The following WLS variants were observed in gnomAD, a reference collection of about 807,000 sequenced individuals.
WLS encodes the protein protein wntless homolog.
WLS carries 23 observed loss-of-function variants against 62.8 expected under a neutral mutation model. The ratio of observed to expected loss-of-function variants is 0.37; its 90% CI spans 0.26 to 0.52. WLS has a LOEUF of 0.52. Among genes scored for constraint, WLS ranks in the 20% least tolerant of loss-of-function variants. WLS has a pLI of 0.92. For missense variants in WLS, 615 were observed against 697.3 expected, an observed-to-expected ratio of 0.88 and a Z score of 1.33; for synonymous variants, 246 against 244.1, an observed-to-expected ratio of 1.01 and a Z score of -0.07.
intron 11 of WLS, chr1:68,099,631 T>G (rs1252933820): frequency 6.6e-6 from 1 of 152,234 alleles, no homozygotes; most frequent in Non-Finnish European, 1.5e-5. Flanking sequence ...ATCTTTAGAT[T>G]ACCTATAATA....
chr1:68,215,856 G>T (rs927739233), intron 1 of WLS, among the ~76,000 whole-genome samples: 1 of 152,184 alleles, frequency 6.6e-6, no homozygotes, highest in Admixed American at 6.5e-5. Flanking sequence ...ACTAAACCCA[G>T]TAAATTAGTT....
At chr1:68,143,183 C>G (rs1646708651) in intron 10 of WLS, among the ~76,000 whole-genome samples, 1 of 152,072 alleles carries the variant, frequency 6.6e-6, no homozygotes, top group African/African-American at 2.4e-5. Context: ...GGTCCATATA[C>G]AAAAATGGTT....
intron 11 of WLS, among the ~76,000 whole-genome samples, chr1:68,127,876 C>T (rs1646458709): frequency 1.3e-5 from 2 of 152,174 alleles, no homozygotes; most frequent in Non-Finnish European, 2.9e-5. Context: ...GTCACTCCCA[C>T]CCACTGGCCC....
chr1:68,154,541 G>A (rs151322693), intron 4 of WLS, among the ~76,000 whole-genome samples: 1,895 of 152,154 alleles, frequency 0.012, 25 homozygotes, highest in Non-Finnish European at 0.021. Context: ...GAATTACTAC[G>A]TATAAAAAAA....
At chr1:68,194,953 T>G (rs1404540722) in intron 1 of WLS, among the ~76,000 whole-genome samples, 1 of 152,202 alleles carries the variant, frequency 6.6e-6, no homozygotes, top group Non-Finnish European at 1.5e-5. Context: ...GATTATAATA[T>G]TAATAACTTG....
chr1:68,178,583 G>A (rs1246779597), intron 2 of WLS, among the ~76,000 whole-genome samples: 1 of 152,046 alleles, frequency 6.6e-6, no homozygotes, highest in African/African-American at 2.4e-5. Flanking sequence ...GCACACGCCT[G>A]TAATCCCAGC....
At chr1:68,162,762 G>T in intron 2 of WLS, 3 of 1,102,204 alleles carry the variant, frequency 2.7e-6, no homozygotes, top group Non-Finnish European at 4.2e-6. Flanking sequence ...TGATGTCCAC[G>T]TTATCGTAGC....
intron 2 of WLS, among the ~76,000 whole-genome samples, chr1:68,163,571 C>T (rs942459659): frequency 6.6e-6 from 1 of 150,870 alleles, no homozygotes; most frequent in African/African-American, 2.4e-5. Context: ...CCCCACCACT[C>T]CCCCTCCCTC....
intron 11 of WLS, among the ~76,000 whole-genome samples, chr1:68,111,498 T>C (rs1295879066): frequency 1.3e-5 from 2 of 152,176 alleles, no homozygotes; most frequent in African/African-American, 2.4e-5. Flanking sequence ...CAATGCAGCA[T>C]TTAAACACGG....
At chr1:68,140,205 C>T (rs778968057) in intron 10 of WLS, among the ~76,000 whole-genome samples, 4 of 152,106 alleles carry the variant, frequency 2.6e-5, no homozygotes, top group Admixed American at 6.5e-5. Context: ...GAGTATCTTG[C>T]CCAAGATTGC....
chr1:68,183,069 T>A (rs957412233), intron 2 of WLS, among the ~76,000 whole-genome samples: 1 of 152,078 alleles, frequency 6.6e-6, no homozygotes, highest in African/African-American at 2.4e-5. Context: ...CTGGGCTAAT[T>A]TTTGTATAGA....
intron 2 of WLS, 71 bp from the exon 3 acceptor site, chr1:68,159,318 C>G (rs1295897221): frequency 1.3e-6 from 2 of 1,563,566 alleles, no homozygotes; most frequent in African/African-American, 2.7e-5. Flanking sequence ...TCAAAAAATT[C>G]TTATAGGCTT....
chr1:68,177,254 G>C (rs1284495892), intron 2 of WLS, among the ~76,000 whole-genome samples: 2 of 152,116 alleles, frequency 1.3e-5, no homozygotes, highest in Non-Finnish European at 2.9e-5. Flanking sequence ...ATAAACCTCT[G>C]AATTCCATGG....
chr1:68,105,786 G>T (rs1646135507), intron 11 of WLS, among the ~76,000 whole-genome samples: 1 of 152,138 alleles, frequency 6.6e-6, no homozygotes, highest in African/African-American at 2.4e-5. Context: ...GGAAAGACAG[G>T]ACTGGGTTCT....
intron 2 of WLS, among the ~76,000 whole-genome samples, chr1:68,178,627 AC>A (rs1647365791): frequency 6.7e-6 from 1 of 149,586 alleles, no homozygotes; most frequent in Non-Finnish European, 1.5e-5. Context: ...AATCACTTGA[AC>A]CCAGGAGGGG....
Position 68,159,104 on chromosome 1 carries a change from A to G in WLS, c.504+19T>C. 6.2e-7 allele frequency: 1 copy of G among 1,612,528 alleles called. No homozygotes were observed. Among genetic ancestry groups the G allele is most frequent in the Admixed American group, 1.7e-5 (1 of 59,574 alleles). On this transcript the variant is annotated intron_variant, in intron 3 of 11. Coordinates refer to ENST00000262348, the MANE Select transcript of WLS (RefSeq NM_024911.7). ...AGAACCAAATAAAAACTGTCAGCTT[A>G]GACAGCAAGGGGTCATACCTTGGGA...
intron 3 of WLS, among the ~76,000 whole-genome samples, chr1:68,157,794 A>G (rs867379957): frequency 4.6e-5 from 7 of 152,166 alleles, no homozygotes; most frequent in Non-Finnish European, 7.4e-5. Flanking sequence ...TTGCAGGCAA[A>G]CACCCTTCCC....
rs115349344 is a variant in WLS at position 68,173,101 on chromosome 1, G to A, written c.380-13854C>T. 8.5e-3 allele frequency among the ~76,000 whole-genome samples: 1,297 copies of A among 152,292 alleles called. 10 individuals carry two copies. Among genetic ancestry groups the A allele is most frequent in the Non-Finnish European group, 0.014 (933 of 68,034 alleles). ...ACGATTTAACCTTGTGGAAAATACT[G>A]CCAGGAGGATATTTTCTAAGGAATT... On this transcript the variant is annotated intron_variant, in intron 2 of 11. Transcript: ENST00000262348.
intron 1 of WLS, among the ~76,000 whole-genome samples, chr1:68,224,585 G>A (rs531952453): frequency 6.6e-6 from 1 of 152,296 alleles, no homozygotes; most frequent in South Asian, 2.1e-4. Context: ...GTGTTGGCAT[G>A]TAATTTCTGA....
Sources: allele counts gnomAD v4.1 joint callset (sites outside exome capture counted in the v4.1 genomes callset), GRCh38; gene constraint gnomAD v4.1.1; transcripts MANE v1.5; gene names NCBI Gene and HGNC (gene_info 2026-07-23, HGNC 2026-07-21).